Variants in RNF150 observed in about 807,000 individuals in gnomAD.
RNF150 encodes ring finger protein 150.
In RNF150, 24 loss-of-function variants were observed where a neutral mutation model predicts 39.3. The ratio of observed to expected loss-of-function variants is 0.61; its 90% CI spans 0.44 to 0.86. RNF150 has a LOEUF of 0.86. RNF150 is among the 40% of genes least tolerant of loss of function. RNF150 has a pLI of 0.00. For synonymous variants in RNF150, 255 were observed against 227.3 expected (o/e 1.12, Z -1.10); for missense variants, 502 against 587.8 (o/e 0.85, Z 1.51).
chr4:140,998,420 T>C (rs1356625507), intron 1 of RNF150, among the ~76,000 whole-genome samples: 2 of 152,192 alleles, frequency 1.3e-5, no homozygotes, highest in Non-Finnish European at 2.9e-5. Context: ...AAAGTGGTCA[T>C]CTACAAGCCA....
intron 3 of RNF150, among the ~76,000 whole-genome samples, chr4:140,948,596 G>A (rs1196431224): frequency 2.0e-5 from 3 of 152,094 alleles, no homozygotes; most frequent in Non-Finnish European, 2.9e-5. Flanking sequence ...GGGGCTCTGT[G>A]TTTTGATTTT....
chr4:141,000,248 T>A (rs1241711877), intron 1 of RNF150, among the ~76,000 whole-genome samples: 1 of 152,148 alleles, frequency 6.6e-6, no homozygotes, highest in East Asian at 1.9e-4. Flanking sequence ...AAGGAATCAG[T>A]GTAGAGAAGA....
intron 6 of RNF150, among the ~76,000 whole-genome samples, chr4:140,881,065 G>A (rs1268296032): frequency 6.6e-6 from 1 of 151,042 alleles, no homozygotes; most frequent in Non-Finnish European, 1.5e-5. Context: ...TTTTGAATTT[G>A]GTTTGTTTTC....
At chr4:140,883,563 AT>A (rs917072025) in intron 6 of RNF150, among the ~76,000 whole-genome samples, 1 of 151,930 alleles carries the variant, frequency 6.6e-6, no homozygotes, top group African/African-American at 2.4e-5. Flanking sequence ...TTTGGTTGAC[AT>A]TTTTTTCCCT....
chr4:140,939,706 G>A lies in RNF150; in HGVS notation c.890+7948C>T, dbSNP rs565777278. On this transcript the variant is annotated intron_variant, in intron 4 of 6. Coordinates refer to ENST00000515673, the MANE Select transcript of RNF150 (RefSeq NM_020724.2). Reference sequence around the variant, plus strand: ...TCAGTGCTTGAAATCTGTTTTTTGTGTTACGGCTTTTGAGTGACAGTTTGC... The same window carrying A: ...TCAGTGCTTGAAATCTGTTTTTTGTATTACGGCTTTTGAGTGACAGTTTGC... Among the ~76,000 whole-genome samples the A allele has an allele frequency of 2.6e-5, 4 of 151,712 alleles. No individual in the cohort carries two copies. The East Asian group carries it at 7.8e-4, about 29-fold the overall frequency.
intron 1 of RNF150, among the ~76,000 whole-genome samples, chr4:141,112,957 G>A (rs1184742408): frequency 2.0e-5 from 3 of 151,732 alleles, no homozygotes; most frequent in African/African-American, 7.3e-5. Context: ...TTGTTTTCAC[G>A]CTTTATTTCA....
intron 1 of RNF150, among the ~76,000 whole-genome samples, chr4:141,000,384 C>A (rs1471914839): frequency 6.6e-6 from 1 of 152,070 alleles, no homozygotes; most frequent in African/African-American, 2.4e-5. Context: ...AAGGAAAATT[C>A]CTCAGTAAAG....
At chr4:141,097,968 A>G (rs1738862413) in intron 1 of RNF150, among the ~76,000 whole-genome samples, 1 of 152,112 alleles carries the variant, frequency 6.6e-6, no homozygotes, top group Non-Finnish European at 1.5e-5. Context: ...AATTTTACCC[A>G]TCTCCTTCAG....
intron 4 of RNF150, among the ~76,000 whole-genome samples, chr4:140,933,266 G>A (rs1731720171): frequency 6.6e-6 from 1 of 152,130 alleles, no homozygotes; most frequent in Non-Finnish European, 1.5e-5. Context: ...CTAAAGCATG[G>A]GAAGAACTTT....
chr4:141,128,900 G>C (rs935028181), intron 1 of RNF150, among the ~76,000 whole-genome samples: 9 of 152,154 alleles, frequency 5.9e-5, no homozygotes, highest in African/African-American at 2.2e-4. Flanking sequence ...TCAGGGAAAT[G>C]AAAATTTAAA....
intron 1 of RNF150, among the ~76,000 whole-genome samples, chr4:141,161,924 T>G (rs1246826275): frequency 6.6e-6 from 1 of 152,210 alleles, no homozygotes; most frequent in Admixed American, 6.5e-5. Context: ...GAAGCCTGCT[T>G]CAGGGGCACA....
At chr4:141,146,817 T>C (rs1292117463) in intron 1 of RNF150, among the ~76,000 whole-genome samples, 1 of 152,204 alleles carries the variant, frequency 6.6e-6, no homozygotes, top group Admixed American at 6.5e-5. Flanking sequence ...GTATACAATC[T>C]GCTGGAGGTT....
chr4:141,183,322 A>G (rs1727943411), intron 1 of RNF150, among the ~76,000 whole-genome samples: 1 of 151,980 alleles, frequency 6.6e-6, no homozygotes, highest in African/African-American at 2.4e-5. Flanking sequence ...GATTGTCCCC[A>G]ATTATCCCCA....
At chr4:140,969,639 CTTAT>C (rs1485507413) in intron 1 of RNF150, among the ~76,000 whole-genome samples, 1 of 149,294 alleles carries the variant, frequency 6.7e-6, no homozygotes, top group African/African-American at 2.5e-5. Flanking sequence ...CATTTATTCC[CTTAT>C]TTATATTATT....
At chr4:140,925,894 A>T in intron 5 of RNF150, 83 bp downstream of exon 5, 1 of 939,752 alleles carries the variant, frequency 1.1e-6, no homozygotes, top group South Asian at 1.4e-5. Flanking sequence ...GACACAGAAC[A>T]TCCAAGTATA....
intron 1 of RNF150, among the ~76,000 whole-genome samples, chr4:141,085,038 C>G (rs1418426217): frequency 6.6e-6 from 1 of 152,106 alleles, no homozygotes; most frequent in Admixed American, 6.6e-5. Flanking sequence ...AGCCTATTTT[C>G]ATACTGCTAT....
intron 1 of RNF150, among the ~76,000 whole-genome samples, chr4:141,027,530 T>C (rs1451965398): frequency 1.3e-5 from 2 of 152,152 alleles, no homozygotes; most frequent in Non-Finnish European, 2.9e-5. Flanking sequence ...TTACACCTCT[T>C]GGCACACAGA....
At chr4:141,154,401 G>A (rs1284016523) in intron 1 of RNF150, among the ~76,000 whole-genome samples, 1 of 152,164 alleles carries the variant, frequency 6.6e-6, no homozygotes, top group African/African-American at 2.4e-5. Context: ...TGCCTGTGTG[G>A]CACAATGCTA....
At chr4:140,977,679 T>C (rs1678560736) in intron 1 of RNF150, among the ~76,000 whole-genome samples, 1 of 152,214 alleles carries the variant, frequency 6.6e-6, no homozygotes, top group Non-Finnish European at 1.5e-5. Flanking sequence ...GAACCTCTCA[T>C]ATACTCCCAT....
Sources: gnomAD v4.1 joint callset for allele counts (sites outside exome capture counted in the v4.1 genomes callset) on GRCh38, gnomAD v4.1.1 for gene constraint, MANE v1.5 for transcripts, NCBI Gene and HGNC (gene_info 2026-07-23, HGNC 2026-07-21) for gene names.